STARD6: variants seen among roughly 807,000 people sequenced by gnomAD.
STARD6 encodes StAR related lipid transfer domain containing 6.
A neutral mutation model predicts 22.3 loss-of-function variants in STARD6; 21 were observed. That is an observed-to-expected ratio of 0.94 (90% CI 0.67 to 1.35). The LOEUF (loss-of-function observed/expected upper bound fraction) is 1.35. Among genes scored for constraint, STARD6 ranks in the 40% most tolerant of loss-of-function variants. STARD6 has a pLI of 0.00. For synonymous variants in STARD6, 80 were observed against 88.1 expected (o/e 0.91, Z 0.52); for missense variants, 269 against 266.9 (o/e 1.01, Z -0.05).
At position 54,331,768 on chromosome 18, in the gene STARD6, T is replaced by C. The variant is rs1568167098; in HGVS notation, c.359A>G (p.Tyr120Cys). ...DFIDLVYIKR[Y>C]EGNMNIISSK... ...ACTGATAATGTTCATATTTCCTTCGTAGCGCTTGATGTACACTAAGTCGAT... is the reference window on the plus strand; with the variant it reads ...ACTGATAATGTTCATATTTCCTTCGCAGCGCTTGATGTACACTAAGTCGAT... The change falls in exon 6 of 8, where the codon TAC becomes TGC. Residue 120 changes from tyrosine (Y) to cysteine (C), a missense_variant. Physicochemically the swap from Tyr to Cys is radical, Grantham distance 194. Transcript: ENST00000307844. 2 of 1,611,422 alleles carry C rather than the reference T, an allele frequency of 1.2e-6. No homozygotes were observed. The highest frequency in any genetic ancestry group is 1.7e-6 in the Non-Finnish European group (2 of 1,178,300).
At chr18:54,355,287 G>T (rs934140557) in intron 2 of STARD6, among the ~76,000 whole-genome samples, 3 of 152,000 alleles carry the variant, frequency 2.0e-5, no homozygotes, top group Non-Finnish European at 4.4e-5. Flanking sequence ...TGTTTCATAG[G>T]TATCTTTGCT....
At chr18:54,357,495 A>G (rs73476817) in intron 1 of STARD6, among the ~76,000 whole-genome samples, 4,138 of 151,758 alleles carry the variant, frequency 0.027, 183 homozygotes, top group African/African-American at 0.087. Context: ...CTGAGACGAT[A>G]TCTTATTTTT....
chr18:54,346,409 A>C (rs1401120774), intron 4 of STARD6, among the ~76,000 whole-genome samples: 1 of 152,092 alleles, frequency 6.6e-6, no homozygotes, highest in African/African-American at 2.4e-5. Flanking sequence ...ACAGATATGA[A>C]AAATGTTGCT....
intron 6 of STARD6, 50 bp downstream of exon 6, chr18:54,331,692 A>G (rs759749770): frequency 1.6e-6 from 2 of 1,234,898 alleles, no homozygotes; most frequent in East Asian, 4.8e-5. Context: ...GAAAACATTT[A>G]TTAATGGCTC....
intron 2 of STARD6, among the ~76,000 whole-genome samples, chr18:54,354,836 T>G (rs2089130268): frequency 6.6e-6 from 1 of 152,190 alleles, no homozygotes; most frequent in Non-Finnish European, 1.5e-5. Flanking sequence ...GTGTGAAGCA[T>G]GTTACTTAAT....
At chr18:54,351,316 A>T (rs2089093889) in intron 4 of STARD6, among the ~76,000 whole-genome samples, 1 of 152,168 alleles carries the variant, frequency 6.6e-6, no homozygotes, top group African/African-American at 2.4e-5. Flanking sequence ...TGATTTGTGT[A>T]CACTGACTTT....
chr18:54,328,373 G>T (rs546306566), intron 7 of STARD6, among the ~76,000 whole-genome samples: 1 of 152,170 alleles, frequency 6.6e-6, no homozygotes, highest in Non-Finnish European at 1.5e-5. Context: ...TCTAGTCCAT[G>T]CCAGCAGTTG....
intron 4 of STARD6, among the ~76,000 whole-genome samples, chr18:54,346,461 G>C (rs568784749): frequency 6.6e-6 from 1 of 151,994 alleles, no homozygotes; most frequent in Middle Eastern, 3.4e-3. Context: ...CTGCTGTTAG[G>C]AATATAAAAC....
At chr18:54,353,165 T>C (rs1036970902) in intron 4 of STARD6, among the ~76,000 whole-genome samples, 2 of 152,028 alleles carry the variant, frequency 1.3e-5, no homozygotes, top group African/African-American at 2.4e-5. Context: ...AATGAGGTAG[T>C]TGAAAGAAGG....
At chr18:54,333,112 C>T (rs1041885981) in intron 5 of STARD6, among the ~76,000 whole-genome samples, 5 of 152,174 alleles carry the variant, frequency 3.3e-5, no homozygotes, top group East Asian at 1.9e-4. Flanking sequence ...TTGGATGTCA[C>T]GTCTAGTATT....
At chr18:54,333,612 G>A (rs1454244462) in intron 5 of STARD6, among the ~76,000 whole-genome samples, 1 of 152,162 alleles carries the variant, frequency 6.6e-6, no homozygotes, top group Non-Finnish European at 1.5e-5. Context: ...TCTGTGGATA[G>A]GAACTTCCTC....
intron 4 of STARD6, among the ~76,000 whole-genome samples, chr18:54,349,056 C>A (rs548773052): frequency 2.6e-5 from 4 of 152,134 alleles, no homozygotes; most frequent in African/African-American, 9.6e-5. Context: ...TGATTTATTT[C>A]TAGTCTGGTG....
chr18:54,340,175 A>C (rs777647411), intron 4 of STARD6, among the ~76,000 whole-genome samples: 15 of 152,168 alleles, frequency 9.9e-5, no homozygotes, highest in Admixed American at 6.5e-5. Context: ...GTTCTTTAAA[A>C]GATACTATAT....
chr18:54,331,832 GTGTAATGGTATGACATA>G lies in STARD6; in HGVS notation c.278_294del (p.Ile93ThrfsTer32), dbSNP rs772492806. 5.0e-6 allele frequency: 8 copies of G among 1,612,314 alleles called. No individual in the cohort carries two copies. Among genetic ancestry groups the G allele is most frequent in the Non-Finnish European group, 6.8e-6 (8 of 1,178,818 alleles). The stretch of plus-strand genomic sequence containing the variant: ...GAAATGGAGCCCACGGCAAAACTTT[GTGTAATGGTATGACATA>G]TGAATGTGTCCTGCAACAAATCAAA... On this transcript the variant is annotated frameshift_variant, in exon 6 of 8. Transcript: ENST00000307844.
chr18:54,329,800 T>G (rs1399240839), intron 6 of STARD6, among the ~76,000 whole-genome samples: 2 of 151,864 alleles, frequency 1.3e-5, no homozygotes, highest in African/African-American at 2.4e-5. Context: ...TGGGTTTGAG[T>G]GAAAACTGTT....
At position 54,354,066 on chromosome 18, in the gene STARD6, A is replaced by T. The variant is rs143881156; in HGVS notation, c.128T>A (p.Phe43Tyr). 6.4e-7 allele frequency: 1 copy of T among 1,566,254 alleles called. No homozygotes were observed. Among genetic ancestry groups the T allele is most frequent in the South Asian group, 1.2e-5 (1 of 80,824 alleles). Reference protein sequence around the residue: ...ITVSSKASRKFHGNLYRVEGI... With the variant: ...ITVSSKASRKYHGNLYRVEGI... ...AGATTGTACTCACAGATTTCCATGGAATTTTCTAGAAGCCTTACTGGAAAC... is the reference window on the plus strand; with the variant it reads ...AGATTGTACTCACAGATTTCCATGGTATTTTCTAGAAGCCTTACTGGAAAC... Residue 43 changes from phenylalanine (F) to tyrosine (Y), a missense_variant, in exon 4 of 8, where the codon TTC becomes TAC. Transcript: ENST00000307844.
At chr18:54,328,998 C>G (rs2088845518) in intron 7 of STARD6, among the ~76,000 whole-genome samples, 1 of 151,928 alleles carries the variant, frequency 6.6e-6, no homozygotes. Context: ...TGCTATAATT[C>G]TAGGAAAGTT....
intron 5 of STARD6, among the ~76,000 whole-genome samples, chr18:54,333,381 G>A (rs1332925695): frequency 6.6e-6 from 1 of 152,092 alleles, no homozygotes; most frequent in Non-Finnish European, 1.5e-5. Flanking sequence ...CCTGGGAGGC[G>A]GAGCTTGCAG....
At chr18:54,325,098 T>C (rs1342697853) in intron 7 of STARD6, among the ~76,000 whole-genome samples, 1 of 152,120 alleles carries the variant, frequency 6.6e-6, no homozygotes, top group Non-Finnish European at 1.5e-5. Flanking sequence ...AACAGTAATG[T>C]ATGCTTATTA....
Sources: allele counts gnomAD v4.1 joint callset (sites outside exome capture counted in the v4.1 genomes callset), GRCh38; gene constraint gnomAD v4.1.1; transcripts MANE v1.5; gene names NCBI Gene and HGNC (gene_info 2026-07-23, HGNC 2026-07-21).